Variants in C10orf90 observed in about 807,000 individuals in gnomAD.
C10orf90 encodes the protein (E2-independent) E3 ubiquitin-conjugating enzyme FATS.
In C10orf90, 56 loss-of-function variants were observed where a neutral mutation model predicts 62.5. The observed-to-expected ratio is 0.90, with a 90% CI of 0.72 to 1.12. The LOEUF (loss-of-function observed/expected upper bound fraction) is 1.12. C10orf90 is among the 50% of genes most tolerant of loss of function. The probability of loss-of-function intolerance (pLI) is 0.00; values close to 1 mark genes in which losing one functional copy is unlikely to be tolerated. For synonymous variants in C10orf90, 386 were observed against 340.4 expected (o/e 1.13, Z -1.47); for missense variants, 970 against 880.4 (o/e 1.10, Z -1.29).
intron 4 of C10orf90, among the ~76,000 whole-genome samples, chr10:126,473,660 A>G (rs993338057): frequency 1.3e-5 from 2 of 149,608 alleles, no homozygotes; most frequent in Non-Finnish European, 3.0e-5. Context: ...TTTTTTTTTT[A>G]CAATAGATAC....
chr10:126,442,590 C>T (rs1858443303), intron 7 of C10orf90, among the ~76,000 whole-genome samples: 1 of 109,370 alleles, frequency 9.1e-6, no homozygotes, highest in Non-Finnish European at 1.9e-5. Flanking sequence ...CTGTCTAGTG[C>T]TGTCAATGGA....
At chr10:126,668,672 G>T (rs1191387108) in intron 1 of C10orf90, among the ~76,000 whole-genome samples, 1 of 152,164 alleles carries the variant, frequency 6.6e-6, no homozygotes, top group African/African-American at 2.4e-5. Flanking sequence ...AGCTGAGGAG[G>T]CAGGCCCTTC....
intron 2 of C10orf90, among the ~76,000 whole-genome samples, chr10:126,537,432 A>G (rs768034375): frequency 1.2e-4 from 19 of 152,204 alleles, no homozygotes; most frequent in Non-Finnish European, 1.2e-4. Flanking sequence ...GGTTAACTTT[A>G]TCTTCTGAAA....
chr10:126,561,714 C>G (rs750241308), intron 2 of C10orf90, among the ~76,000 whole-genome samples: 1 of 151,982 alleles, frequency 6.6e-6, no homozygotes, highest in Non-Finnish European at 1.5e-5. Flanking sequence ...GACTGCATTC[C>G]AAGCAGAGAG....
intron 2 of C10orf90, among the ~76,000 whole-genome samples, chr10:126,533,331 T>G (rs1864153801): frequency 6.6e-6 from 1 of 152,200 alleles, no homozygotes; most frequent in Admixed American, 6.5e-5. Context: ...TGCTTGTGCT[T>G]AAATCTCTTC....
At chr10:126,624,063 T>C (rs1294103229) in intron 2 of C10orf90, among the ~76,000 whole-genome samples, 2 of 152,096 alleles carry the variant, frequency 1.3e-5, no homozygotes, top group East Asian at 3.9e-4. Context: ...AGAATCCAAC[T>C]GGGGCCTAGC....
chr10:126,668,249 T>C (rs1272620206), intron 1 of C10orf90, among the ~76,000 whole-genome samples: 7 of 152,262 alleles, frequency 4.6e-5, no homozygotes, highest in African/African-American at 1.2e-4. Flanking sequence ...AGCCAGTTTC[T>C]TTAATCTAGC....
rs74158844 is a variant in C10orf90, at chr10:126,601,801, G to A, written c.313+44764C>T. Among the ~76,000 whole-genome samples the A allele has an allele frequency of 7.8e-3, 1,191 of 152,378 alleles. 17 individuals are homozygous for A. Among genetic ancestry groups the A allele is most frequent in the African/African-American group, 0.028 (1,149 of 41,600 alleles). ...CCGCCAAAGCCACTGAGGCCTGGAT[G>A]CCGGTGGAGGGAGAGGCTTGCCTGT... is the stretch of plus-strand genomic sequence containing the variant. On this transcript the variant is annotated intron_variant, in intron 2 of 9. Transcript: ENST00000488181.
At chr10:126,617,146 C>T (rs1845556716) in intron 2 of C10orf90, among the ~76,000 whole-genome samples, 1 of 152,170 alleles carries the variant, frequency 6.6e-6, no homozygotes, top group African/African-American at 2.4e-5. Flanking sequence ...ACACATTTCT[C>T]TGTGTGGCGG....
At chr10:126,556,263 C>A (rs534860456) in intron 2 of C10orf90, among the ~76,000 whole-genome samples, 2 of 152,252 alleles carry the variant, frequency 1.3e-5, no homozygotes, top group Admixed American at 1.3e-4. Flanking sequence ...AAAATGTCAA[C>A]AGCGAGTACT....
intron 7 of C10orf90, among the ~76,000 whole-genome samples, chr10:126,448,924 CAG>C (rs1358420500): frequency 6.6e-6 from 1 of 152,118 alleles, no homozygotes; most frequent in African/African-American, 2.4e-5. Context: ...AGCTTGGGAC[CAG>C]ATGGCTTCAT....
chr10:126,441,809 C>T (rs1590903011), intron 7 of C10orf90, among the ~76,000 whole-genome samples: 1 of 152,042 alleles, frequency 6.6e-6, no homozygotes, highest in African/African-American at 2.4e-5. Context: ...AGGAAAGATA[C>T]AGTATTTTTC....
chr10:126,438,479 G>C (rs1227170555), intron 7 of C10orf90, among the ~76,000 whole-genome samples: 1 of 151,942 alleles, frequency 6.6e-6, no homozygotes, highest in South Asian at 2.1e-4. Flanking sequence ...TTTTTCTGTA[G>C]GACTTATCAG....
At chr10:126,502,652 CATGGTTTA>C (rs1412561401) in intron 4 of C10orf90, 1 of 348,600 alleles carries the variant, frequency 2.9e-6, no homozygotes, top group Non-Finnish European at 5.7e-6. Context: ...CACCATGACA[CATGGTTTA>C]AAAATGAGGA....
intron 3 of C10orf90, among the ~76,000 whole-genome samples, chr10:126,510,702 C>A (rs550205259): frequency 1.3e-5 from 2 of 152,186 alleles, no homozygotes; most frequent in Non-Finnish European, 2.9e-5. Flanking sequence ...ATATTGATTT[C>A]TCTTAAATGT....
intron 2 of C10orf90, among the ~76,000 whole-genome samples, chr10:126,525,255 C>T (rs181498945): frequency 1.8e-4 from 27 of 152,316 alleles, no homozygotes; most frequent in African/African-American, 3.9e-4. Context: ...GATCTGGAGG[C>T]GCATTCGGCC....
chr10:126,640,030 T>C (rs1292189871), intron 2 of C10orf90, among the ~76,000 whole-genome samples: 1 of 152,194 alleles, frequency 6.6e-6, no homozygotes, highest in Non-Finnish European at 1.5e-5. Context: ...GTCTATTTTC[T>C]CTCTAATAAC....
intron 2 of C10orf90, among the ~76,000 whole-genome samples, chr10:126,595,344 C>T (rs567217699): frequency 2.6e-5 from 4 of 152,206 alleles, no homozygotes; most frequent in Admixed American, 6.5e-5. Context: ...CACTGAGATG[C>T]AGAATGTGCT....
chr10:126,505,677 G>A (rs2133891423), intron 3 of C10orf90, among the ~76,000 whole-genome samples: 1 of 152,312 alleles, frequency 6.6e-6, no homozygotes, highest in Non-Finnish European at 1.5e-5. Context: ...ATGCCCAGCT[G>A]GGCATGGTGG....
Sources: allele counts gnomAD v4.1 joint callset (sites outside exome capture counted in the v4.1 genomes callset), GRCh38; gene constraint gnomAD v4.1.1; transcripts MANE v1.5; gene names NCBI Gene and HGNC (gene_info 2026-07-23, HGNC 2026-07-21).